The following USP9X variants were observed in gnomAD, a reference collection of about 807,000 sequenced individuals.
USP9X encodes the protein ubiquitin specific peptidase 9 X-linked, also known as ubiquitin carboxyl-terminal hydrolase 9X.
USP9X carries 7 observed loss-of-function variants against 190.3 expected under a neutral mutation model. The observed-to-expected ratio is 0.04, with a 90% confidence interval of 0.02 to 0.07. The LOEUF is 0.07. Among genes scored for constraint, USP9X ranks in the 10% least tolerant of loss-of-function variants. The probability of loss-of-function intolerance (pLI) is 1.00; values close to 1 mark genes in which losing one functional copy is unlikely to be tolerated. For synonymous variants in USP9X, 645 were observed against 659.5 expected, an observed-to-expected ratio of 0.98 and a Z score of 0.34; for missense variants, 1,010 against 1,916.9, an observed-to-expected ratio of 0.53 and a Z score of 8.83.
rs773333805 is a variant in USP9X at position 41,135,222 on chromosome X, G to A, written c.435+385G>A. Among the ~76,000 whole-genome samples the A allele has an allele frequency of 1.7e-4, 19 of 111,012 alleles. 1 individual carries two copies. The Middle Eastern group carries it at 0.028, about 162-fold the overall frequency. On this transcript the variant is annotated intron_variant, in intron 5 of 44. Coordinates refer to ENST00000378308, the MANE Select transcript of USP9X (RefSeq NM_001039591.3). ...ATACGTCTGGGACACCAAAGGGTCAGTATAGAGGTAAATGAGAAATGAACT... is the reference window on the plus strand; with the variant it reads ...ATACGTCTGGGACACCAAAGGGTCAATATAGAGGTAAATGAGAAATGAACT...
At chrX:41,162,329 A>G (rs2062640920) in intron 14 of USP9X, among the ~76,000 whole-genome samples, 1 of 112,427 alleles carries the variant, frequency 8.9e-6, no homozygotes, top group Admixed American at 9.4e-5. Context: ...GGTCATGTAG[A>G]GTAGCATCTT....
intron 1 of USP9X, among the ~76,000 whole-genome samples, chrX:41,114,292 A>G (rs1016726973): frequency 8.9e-6 from 1 of 111,844 alleles, no homozygotes; most frequent in Non-Finnish European, 1.9e-5. Context: ...ATGTTCTGCA[A>G]AGTTTCTTAT....
intron 21 of USP9X, among the ~76,000 whole-genome samples, chrX:41,176,463 T>G (rs2062775809): frequency 9.0e-6 from 1 of 111,341 alleles, no homozygotes; most frequent in Non-Finnish European, 1.9e-5. Context: ...AATGCTGACT[T>G]GACATTGCTG....
intron 26 of USP9X, among the ~76,000 whole-genome samples, chrX:41,195,691 C>G (rs2062977960): frequency 1.8e-5 from 2 of 111,736 alleles, no homozygotes; most frequent in Middle Eastern, 4.6e-3. Context: ...AAGCTAGAAC[C>G]CTTGCATGTG....
intron 1 of USP9X, among the ~76,000 whole-genome samples, chrX:41,102,668 A>C (rs1337560801): frequency 8.9e-6 from 1 of 112,230 alleles, no homozygotes; most frequent in Non-Finnish European, 1.9e-5. Context: ...CTAAAATGTC[A>C]TAAATGAAAT....
At chrX:41,115,303 T>C (rs745637907) in intron 1 of USP9X, among the ~76,000 whole-genome samples, 4 of 110,500 alleles carry the variant, frequency 3.6e-5, no homozygotes, top group South Asian at 7.6e-4. Context: ...GTATAGCTTG[T>C]GTTGTACAGT....
At chrX:41,169,839 T>C (rs754920327) in intron 18 of USP9X, among the ~76,000 whole-genome samples, 156 bp from the exon 19 acceptor site, 1 of 112,185 alleles carries the variant, frequency 8.9e-6, no homozygotes, top group South Asian at 3.7e-4. Flanking sequence ...AGACATTTCA[T>C]ATAAGGGATT....
chrX:41,222,026 G>A (rs2063267934), intron 38 of USP9X, among the ~76,000 whole-genome samples: 1 of 111,395 alleles, frequency 9.0e-6, no homozygotes, highest in Admixed American at 9.6e-5. Flanking sequence ...ATTTACTGAG[G>A]GGAAACACAG....
intron 21 of USP9X, among the ~76,000 whole-genome samples, chrX:41,181,321 C>A (rs1259812909): frequency 1.0e-5 from 1 of 96,667 alleles, no homozygotes; most frequent in East Asian, 3.2e-4. Flanking sequence ...CTCTGTGTCC[C>A]AGGCTAGAGT....
intron 2 of USP9X, among the ~76,000 whole-genome samples, chrX:41,125,676 A>ACTCTCT (rs1569158725): frequency 2.4e-5 from 1 of 41,731 alleles, no homozygotes; most frequent in African/African-American, 1.0e-4. Flanking sequence ...ACACACACAC[A>ACTCTCT]CACACACACT....
At chrX:41,171,255 G>C (rs1039112579) in intron 20 of USP9X, among the ~76,000 whole-genome samples, 2 of 111,607 alleles carry the variant, frequency 1.8e-5, no homozygotes, top group African/African-American at 6.5e-5. Context: ...AGGATTGCTT[G>C]AGCCCAGGAG....
chrX:41,219,906 G>C (rs967060172), intron 38 of USP9X, among the ~76,000 whole-genome samples: 2 of 111,745 alleles, frequency 1.8e-5, no homozygotes, highest in African/African-American at 6.5e-5. Flanking sequence ...AATCACTTGA[G>C]CTAAGGAGGT....
chrX:41,167,351 AT>A, intron 16 of USP9X, 130 bp from the exon 17 acceptor site: 1 of 466,681 alleles, frequency 2.1e-6, no homozygotes. Flanking sequence ...ATTTTACTTG[AT>A]TATCAAAGTC....
At chrX:41,131,057 G>A (rs900605277) in intron 3 of USP9X, among the ~76,000 whole-genome samples, 9 of 110,527 alleles carry the variant, frequency 8.1e-5, no homozygotes. Context: ...AAAAAAGGGG[G>A]GTGGCGGGGC....
At position 41,236,224 on chromosome X, in the gene USP9X, T is replaced by C. The variant is rs1168516663; in HGVS notation, c.*3700T>C. The C allele has an allele frequency of 3.6e-5, 4 of 111,611 alleles. No individual in the cohort carries two copies. The highest frequency in any genetic ancestry group is 6.5e-5 in the African/African-American group (2 of 30,717). The allele number at this position is 111,611 out of a possible 1,213,427, so 9.2% of individuals were successfully genotyped here. A position where few individuals can be genotyped will look rare whatever the true frequency, so the allele number is the denominator to read the frequency against. On this transcript the variant is annotated 3_prime_UTR_variant, in exon 45 of 45. Transcript: ENST00000378308. ...ACTCAACCAGAATTGGTCCTACATATATGTGAGTGTTCAGTTTTTGCAAAT... is the reference window on the plus strand; with the variant it reads ...ACTCAACCAGAATTGGTCCTACATACATGTGAGTGTTCAGTTTTTGCAAAT...
chrX:41,104,874 C>T (rs3761594), intron 1 of USP9X, among the ~76,000 whole-genome samples: 14,732 of 110,859 alleles, frequency 0.13, 895 homozygotes, highest in East Asian at 0.22. Flanking sequence ...TGTTGAAAAC[C>T]TCATAGTCTG....
At chrX:41,187,816 C>A (rs1398701614) in intron 24 of USP9X, among the ~76,000 whole-genome samples, 176 bp from the exon 25 acceptor site, 1 of 108,719 alleles carries the variant, frequency 9.2e-6, no homozygotes, top group Admixed American at 9.7e-5. Context: ...GCCAGAGGGC[C>A]CTCCGCCCCC....
intron 33 of USP9X, among the ~76,000 whole-genome samples, chrX:41,211,748 C>T (rs1421878991): frequency 7.5e-5 from 8 of 107,117 alleles, no homozygotes; most frequent in Non-Finnish European, 1.4e-4. Flanking sequence ...CTGCCCCATC[C>T]GGGAGGTGAG....
intron 1 of USP9X, among the ~76,000 whole-genome samples, chrX:41,108,232 G>A (rs940546722): frequency 1.8e-5 from 2 of 111,577 alleles, no homozygotes; most frequent in Non-Finnish European, 3.8e-5. Flanking sequence ...CTGGGATGAT[G>A]GTGATTTTAG....
Sources: allele counts gnomAD v4.1 joint callset (sites outside exome capture counted in the v4.1 genomes callset), GRCh38; gene constraint gnomAD v4.1.1; transcripts MANE v1.5; gene names NCBI Gene and HGNC (gene_info 2026-07-23, HGNC 2026-07-21).